Variants in ITPRID1 observed in about 807,000 individuals in gnomAD.
ITPRID1 encodes the protein ITPR interacting domain containing 1, also known as protein ITPRID1.
ITPRID1 carries 96 observed loss-of-function variants against 95.4 expected under a neutral mutation model. That is an observed-to-expected ratio of 1.01 (90% CI 0.85 to 1.19). ITPRID1 has a LOEUF of 1.19. ITPRID1 is among the 50% of genes most tolerant of loss of function. The pLI, the probability that ITPRID1 is intolerant of heterozygous loss-of-function variation, is 0.00. For synonymous variants in ITPRID1, 510 were observed against 453.6 expected (o/e 1.12, Z -1.58); for missense variants, 1,339 against 1,252.9 (o/e 1.07, Z -1.04).
In ITPRID1 at chr7:31,540,029, G is replaced by T. The variant is rs529123278; in HGVS notation, c.-97-9397G>T. On this transcript the variant is annotated intron_variant, in intron 1 of 14. Coordinates refer to ENST00000615280, the MANE Select transcript of ITPRID1 (RefSeq NM_001257967.3). ...TTTTTATCGAGGTGAACTTAAAATG[G>T]CAGTGCTTGTTCAAATGGTGATGCT... 6.6e-4 allele frequency among the ~76,000 whole-genome samples: 100 copies of T among 152,244 alleles called. 1 individual carries two copies. The highest frequency in any genetic ancestry group is 2.3e-3 in the African/African-American group (96 of 41,556).
intron 10 of ITPRID1, among the ~76,000 whole-genome samples, chr7:31,597,418 T>C (rs906325147): frequency 2.6e-5 from 4 of 151,846 alleles, no homozygotes; most frequent in African/African-American, 9.7e-5. Context: ...ACAAGTTTGT[T>C]GGATATGAGA....
intron 9 of ITPRID1, among the ~76,000 whole-genome samples, chr7:31,579,189 TC>T (rs1207760078): frequency 6.6e-6 from 1 of 152,206 alleles, no homozygotes. Flanking sequence ...GGTTTTTTTT[TC>T]TTTTCAAAAA....
At chr7:31,606,437 G>A (rs530863148) in intron 10 of ITPRID1, among the ~76,000 whole-genome samples, 1 of 136,508 alleles carries the variant, frequency 7.3e-6, no homozygotes, top group Admixed American at 7.9e-5. Context: ...TCTTCATAGT[G>A]AAGTGACACA....
At chr7:31,622,627 T>C (rs1279626017) in intron 10 of ITPRID1, among the ~76,000 whole-genome samples, 1 of 152,010 alleles carries the variant, frequency 6.6e-6, no homozygotes, top group African/African-American at 2.4e-5. Flanking sequence ...GGGAAATTTA[T>C]AGCACTAAAT....
intron 1 of ITPRID1, among the ~76,000 whole-genome samples, chr7:31,548,660 T>G (rs1784179876): frequency 6.6e-6 from 1 of 152,052 alleles, no homozygotes; most frequent in African/African-American, 2.4e-5. Context: ...CACAAGAGCA[T>G]GGCCCAACAG....
intron 10 of ITPRID1, among the ~76,000 whole-genome samples, chr7:31,625,333 T>A (rs1788349028): frequency 6.6e-6 from 1 of 151,960 alleles, no homozygotes; most frequent in Admixed American, 6.5e-5. Flanking sequence ...ATATGTTTAT[T>A]GCGGCACTAT....
chr7:31,521,008 T>G (rs1783232533), intron 1 of ITPRID1, among the ~76,000 whole-genome samples: 1 of 151,950 alleles, frequency 6.6e-6, no homozygotes, highest in Non-Finnish European at 1.5e-5. Flanking sequence ...TTTGTCCATT[T>G]TATTGTTCTT....
chr7:31,658,441 G>T, downstream of ITPRID1: 1 of 1,414,340 alleles, frequency 7.1e-7, no homozygotes, highest in Non-Finnish European at 9.2e-7. Context: ...TATAACACAT[G>T]TCGAACAAAA....
chr7:31,558,282 C>A (rs973271326), intron 5 of ITPRID1, among the ~76,000 whole-genome samples: 12 of 152,070 alleles, frequency 7.9e-5, no homozygotes, highest in African/African-American at 2.9e-4. Flanking sequence ...ACTCAGTCTG[C>A]GGTATTGTGT....
intron 1 of ITPRID1, among the ~76,000 whole-genome samples, chr7:31,532,703 A>G (rs1285955363): frequency 1.3e-5 from 2 of 152,190 alleles, no homozygotes; most frequent in South Asian, 2.1e-4. Flanking sequence ...TGCAAGGTAG[A>G]AAGGGTGAGG....
intron 10 of ITPRID1, among the ~76,000 whole-genome samples, chr7:31,602,278 A>G (rs1786426585): frequency 6.6e-6 from 1 of 152,216 alleles, no homozygotes; most frequent in Non-Finnish European, 1.5e-5. Context: ...CAGCAACAAG[A>G]CATATGTGAG....
At chr7:31,584,794 TTGAGA>T (rs1164728915) in intron 10 of ITPRID1, among the ~76,000 whole-genome samples, 1 of 152,250 alleles carries the variant, frequency 6.6e-6, no homozygotes, top group African/African-American at 2.4e-5. Context: ...TGTAATCACT[TTGAGA>T]TATGTATACA....
intron 5 of ITPRID1, among the ~76,000 whole-genome samples, chr7:31,557,871 G>A (rs1252085265): frequency 2.0e-5 from 3 of 152,106 alleles, no homozygotes; most frequent in Non-Finnish European, 4.4e-5. Context: ...TTTACTACAC[G>A]TGTTATGCGT....
intron 10 of ITPRID1, among the ~76,000 whole-genome samples, chr7:31,614,227 G>GTATC (rs1241257442): frequency 6.6e-6 from 1 of 152,130 alleles, no homozygotes; most frequent in Non-Finnish European, 1.5e-5. Context: ...ATCTTCTTGT[G>GTATC]TATCTAGGGC....
At position 31,653,510 on chromosome 7, in the gene ITPRID1, G is replaced by A. The variant is rs530349185; in HGVS notation, c.*681G>A. On this transcript the variant is annotated 3_prime_UTR_variant, in exon 15 of 15. Transcript: ENST00000615280. ...CTTTGTCCTGTACCTATTAAGAGAA[G>A]CTATCAATATACTTTGTCAGGATAA... 3 of 152,170 alleles carry A rather than the reference G, an allele frequency of 2.0e-5. No homozygotes were observed. The highest frequency in any genetic ancestry group is 2.9e-5 in the Non-Finnish European group (2 of 68,016). 9.4% of individuals were successfully genotyped at this position (152,170 alleles called of 1,614,324 possible). A position where few individuals can be genotyped will look rare whatever the true frequency, so the allele number is the denominator to read the frequency against.
chr7:31,516,437 TCTTA>T (rs1203374611), intron 1 of ITPRID1, among the ~76,000 whole-genome samples: 5 of 152,196 alleles, frequency 3.3e-5, no homozygotes, highest in Non-Finnish European at 5.9e-5. Context: ...CAATTATGAC[TCTTA>T]CTGTCTAATT....
At chr7:31,531,617 C>G (rs10276592) in intron 1 of ITPRID1, among the ~76,000 whole-genome samples, 88,638 of 151,896 alleles carry the variant, frequency 0.58, 26,923 homozygotes, top group Middle Eastern at 0.71. Flanking sequence ...GTATTACTCA[C>G]AAGTCCCAGA....
chr7:31,578,984 G>T (rs747487833), intron 9 of ITPRID1, among the ~76,000 whole-genome samples: 2 of 152,190 alleles, frequency 1.3e-5, no homozygotes, highest in South Asian at 4.1e-4. Flanking sequence ...AGACAAAGCT[G>T]TAGGGACTTG....
chr7:31,527,107 G>A (rs1783445523), intron 1 of ITPRID1, among the ~76,000 whole-genome samples: 1 of 152,038 alleles, frequency 6.6e-6, no homozygotes, highest in Admixed American at 6.6e-5. Flanking sequence ...CTTGACCTCA[G>A]ACCTTTGCAC....
Sources: gnomAD v4.1 joint callset for allele counts (sites outside exome capture counted in the v4.1 genomes callset) on GRCh38, gnomAD v4.1.1 for gene constraint, MANE v1.5 for transcripts, NCBI Gene and HGNC (gene_info 2026-07-23, HGNC 2026-07-21) for gene names.